Variants in SLC25A21 observed in about 807,000 individuals in gnomAD.
The protein encoded by SLC25A21 is solute carrier family 25 member 21.
In SLC25A21, 47 loss-of-function variants were observed where a neutral mutation model predicts 43.8. The observed-to-expected ratio is 1.07, with a 90% CI of 0.85 to 1.37. The LOEUF (loss-of-function observed/expected upper bound fraction) is 1.37. SLC25A21 is among the 40% of genes most tolerant of loss of function. The pLI, the probability that SLC25A21 is intolerant of heterozygous loss-of-function variation, is 0.00. For missense variants in SLC25A21, 352 were observed against 350.2 expected (o/e 1.00, Z -0.04); for synonymous variants, 131 against 121.3 (o/e 1.08, Z -0.52).
Position 36,747,011 on chromosome 14 carries a change from A to C in SLC25A21, c.204-12438T>G, listed in dbSNP as rs545393438. Reference sequence around the variant, plus strand: ...ATATTAAATGCATATATGCACACACACACTCTTATACATATACATCTATAT... The same window carrying C: ...ATATTAAATGCATATATGCACACACCCACTCTTATACATATACATCTATAT... On this transcript the variant is annotated intron_variant, in intron 3 of 9. Coordinates refer to ENST00000331299, the MANE Select transcript of SLC25A21 (RefSeq NM_030631.4). Among the ~76,000 whole-genome samples, 79 of 152,304 alleles carry C rather than the reference A, an allele frequency of 5.2e-4. 1 individual carries two copies. The highest frequency in any genetic ancestry group is 5.0e-3 in the Admixed American group (76 of 15,292).
intron 1 of SLC25A21, among the ~76,000 whole-genome samples, chr14:37,064,518 T>C (rs1323694710): frequency 6.6e-6 from 1 of 152,166 alleles, no homozygotes; most frequent in Non-Finnish European, 1.5e-5. Flanking sequence ...GGTTCAACTC[T>C]GTATTCTATC....
intron 3 of SLC25A21, among the ~76,000 whole-genome samples, chr14:36,743,905 G>C (rs771262332): frequency 6.6e-6 from 1 of 152,020 alleles, no homozygotes; most frequent in Admixed American, 6.6e-5. Flanking sequence ...TAACCAAATC[G>C]AGAACTGAAT....
At chr14:36,720,634 C>T (rs1003720533) in intron 6 of SLC25A21, among the ~76,000 whole-genome samples, 41 of 152,344 alleles carry the variant, frequency 2.7e-4, no homozygotes, top group Admixed American at 2.4e-3. Flanking sequence ...TAGTTCATAA[C>T]CTTCCATGTG....
At chr14:36,709,553 A>C (rs1271842920) in intron 7 of SLC25A21, among the ~76,000 whole-genome samples, 1 of 152,180 alleles carries the variant, frequency 6.6e-6, no homozygotes, top group Non-Finnish European at 1.5e-5. Context: ...CACTGTGGCC[A>C]ATCAAGGATT....
chr14:36,723,095 C>T (rs1884440479), intron 6 of SLC25A21, among the ~76,000 whole-genome samples: 1 of 152,166 alleles, frequency 6.6e-6, no homozygotes. Context: ...AAAGAAGGAG[C>T]TAGTCAATGA....
intron 2 of SLC25A21, among the ~76,000 whole-genome samples, chr14:36,860,203 G>A (rs1890028796): frequency 6.6e-6 from 1 of 151,974 alleles, no homozygotes; most frequent in Non-Finnish European, 1.5e-5. Flanking sequence ...TTTCTCTGAG[G>A]AGATGACAGC....
At chr14:36,821,638 G>A (rs545998562) in intron 2 of SLC25A21, among the ~76,000 whole-genome samples, 5 of 152,174 alleles carry the variant, frequency 3.3e-5, no homozygotes, top group African/African-American at 1.2e-4. Context: ...CCAACATGGT[G>A]AAACTCTATC....
At chr14:36,682,498 G>A (rs146671701) in intron 9 of SLC25A21, among the ~76,000 whole-genome samples, 96 of 152,304 alleles carry the variant, frequency 6.3e-4, no homozygotes, top group African/African-American at 2.2e-3. Context: ...GATTATTTAA[G>A]AGTTTTGGAT....
At chr14:36,774,877 T>G (rs1218948516) in intron 3 of SLC25A21, among the ~76,000 whole-genome samples, 1 of 152,230 alleles carries the variant, frequency 6.6e-6, no homozygotes, top group East Asian at 1.9e-4. Context: ...TCTCTTGTCA[T>G]TTTATTTACA....
At chr14:36,805,194 C>T (rs1887994632) in intron 3 of SLC25A21, among the ~76,000 whole-genome samples, 1 of 152,188 alleles carries the variant, frequency 6.6e-6, no homozygotes, top group Non-Finnish European at 1.5e-5. Flanking sequence ...TCAGGCCTTG[C>T]TGACGGGCTG....
intron 1 of SLC25A21, among the ~76,000 whole-genome samples, chr14:37,147,934 C>T (rs1447905702): frequency 2.0e-5 from 3 of 150,986 alleles, no homozygotes; most frequent in Non-Finnish European, 2.9e-5. Flanking sequence ...CTCCGCCTCC[C>T]GGGTACAATT....
chr14:36,812,199 A>G (rs1283163010), intron 3 of SLC25A21, among the ~76,000 whole-genome samples: 1 of 152,176 alleles, frequency 6.6e-6, no homozygotes, highest in Non-Finnish European at 1.5e-5. Context: ...CACTTAGGAC[A>G]GTTGTGTTTT....
rs146864688 is a variant in SLC25A21 at position 36,967,482 on chromosome 14, T to G, written c.71-92478A>C. 1.5e-3 allele frequency among the ~76,000 whole-genome samples: 228 copies of G among 152,242 alleles called. 2 individuals are homozygous for G. The highest frequency in any genetic ancestry group is 5.3e-3 in the African/African-American group (220 of 41,534). ...TATGTATAGTCATTTGACCTGAAAA[T>G]GCTGAGTTTTTGTGCACCTGTTAAT... is the stretch of plus-strand genomic sequence containing the variant. On this transcript the variant is annotated intron_variant, in intron 1 of 9. Transcript: ENST00000331299.
At chr14:37,045,210 T>C (rs1961562089) in intron 1 of SLC25A21, among the ~76,000 whole-genome samples, 1 of 152,202 alleles carries the variant, frequency 6.6e-6, no homozygotes, top group African/African-American at 2.4e-5. Flanking sequence ...GGCTAAACAG[T>C]GAACTCTCTA....
At chr14:36,958,679 G>GCGCACA (rs1399246300) in intron 1 of SLC25A21, among the ~76,000 whole-genome samples, 1 of 136,844 alleles carries the variant, frequency 7.3e-6, no homozygotes, top group Non-Finnish European at 1.6e-5. Flanking sequence ...AAGCACACGT[G>GCGCACA]CACACACACA....
intron 1 of SLC25A21, among the ~76,000 whole-genome samples, chr14:36,954,263 T>C (rs1959273898): frequency 6.6e-6 from 1 of 152,118 alleles, no homozygotes; most frequent in Admixed American, 6.6e-5. Context: ...TCTCTCCCTC[T>C]CATCAGGACC....
At chr14:37,027,797 G>A (rs1961125449) in intron 1 of SLC25A21, among the ~76,000 whole-genome samples, 1 of 152,146 alleles carries the variant, frequency 6.6e-6, no homozygotes, top group East Asian at 1.9e-4. Context: ...TTGCTCTAGT[G>A]CGGTTCAAGG....
chr14:37,038,919 C>T (rs1483976093), intron 1 of SLC25A21, among the ~76,000 whole-genome samples: 2 of 152,166 alleles, frequency 1.3e-5, no homozygotes, highest in South Asian at 2.1e-4. Context: ...CCTCCATCAT[C>T]CCCGACACCA....
At chr14:37,087,985 C>T (rs1324660754) in intron 1 of SLC25A21, among the ~76,000 whole-genome samples, 1 of 152,188 alleles carries the variant, frequency 6.6e-6, no homozygotes, top group African/African-American at 2.4e-5. Flanking sequence ...TTGACATTTT[C>T]ATGTGCACTT....
Sources: gnomAD v4.1 joint callset for allele counts (sites outside exome capture counted in the v4.1 genomes callset) on GRCh38, gnomAD v4.1.1 for gene constraint, MANE v1.5 for transcripts, NCBI Gene and HGNC (gene_info 2026-07-23, HGNC 2026-07-21) for gene names.